Variants in LRATD1 observed in about 807,000 individuals in gnomAD.
LRATD1 encodes the protein LRAT domain containing 1.
In LRATD1, 8 loss-of-function variants were observed where a neutral mutation model predicts 21.3. The ratio of observed to expected loss-of-function variants is 0.38; its 90% CI spans 0.22 to 0.68. LRATD1 has a LOEUF of 0.68. Among genes scored for constraint, LRATD1 ranks in the 30% least tolerant of loss-of-function variants. The pLI, the probability that LRATD1 is intolerant of heterozygous loss-of-function variation, is 0.54. For synonymous variants in LRATD1, 210 were observed against 186.2 expected, an observed-to-expected ratio of 1.13 and a Z score of -1.04; for missense variants, 380 against 404.0, an observed-to-expected ratio of 0.94 and a Z score of 0.51.
rs778746459 is a variant in LRATD1, at chr2:14,634,167, C to T, written c.188C>T (p.Pro63Leu). Residue 63 changes from proline to leucine, a missense_variant, in exon 2 of 2, where the codon CCC becomes CTC. Transcript: ENST00000295092. The part of the protein sequence containing the change: ...FGVKAPPGCT[P>L]CPESPSRHHH... ...GTGAAGGCCCCCCCGGGTTGCACCC[C>T]CTGCCCGGAGAGCCCCAGCCGCCAC... 2 of 1,613,650 alleles carry T rather than the reference C, an allele frequency of 1.2e-6. No individual in the cohort carries two copies. The highest frequency in any genetic ancestry group is 1.1e-5 in the South Asian group (1 of 91,070).
At position 14,634,654 on chromosome 2, in the gene LRATD1, G is replaced by A; in HGVS notation, c.675G>A (p.Glu225=). 1.3e-6 allele frequency: 2 copies of A among 1,554,606 alleles called. No homozygotes were observed. The highest frequency in any genetic ancestry group is 2.4e-5 in the South Asian group (2 of 83,496). Residue 225 remains glutamate, a synonymous_variant, in exon 2 of 2, where the codon GAG becomes GAA. Coordinates refer to ENST00000295092, the MANE Select transcript of LRATD1 (RefSeq NM_145175.4). The part of the protein sequence containing the change: ...FAAWCRFGKR[E]FKAGGEVPAG... ...CCTGGTGCCGCTTTGGCAAGCGGGA[G>A]TTCAAGGCGGGAGGGGAGGTGCCGG...
chr2:14,641,301 A>G (rs1671801791), downstream of LRATD1, among the ~76,000 whole-genome samples: 1 of 152,166 alleles, frequency 6.6e-6, no homozygotes, highest in African/African-American at 2.4e-5. Flanking sequence ...AGAAGAGTTC[A>G]CAGCCCCCAT....
rs937571990 is a variant in LRATD1 at position 14,633,288 on chromosome 2, A to T, written c.-37+351A>T. ...GCGAGCGTGCAAGCGTGGAGCTGAAATTGTGTACGAATGTGTGGGGTCTAA... is the reference window on the plus strand; with the variant it reads ...GCGAGCGTGCAAGCGTGGAGCTGAATTTGTGTACGAATGTGTGGGGTCTAA... On this transcript the variant is annotated intron_variant, in intron 1 of 1. Coordinates refer to ENST00000295092, the MANE Select transcript of LRATD1 (RefSeq NM_145175.4). The surrounding 1 kb of genome is among the most constrained non-coding windows in gnomAD (Gnocchi z 7.5). Among the ~76,000 whole-genome samples the T allele has an allele frequency of 6.6e-6, 1 of 152,130 alleles. No homozygotes were observed. Among genetic ancestry groups the T allele is most frequent in the African/African-American group, 2.4e-5 (1 of 41,452 alleles).
rs1671701323 is a variant in LRATD1, at chr2:14,636,945, T to C, written c.*2087T>C. On this transcript the variant is annotated 3_prime_UTR_variant, in exon 2 of 2. Coordinates refer to ENST00000295092, the MANE Select transcript of LRATD1 (RefSeq NM_145175.4). Reference sequence around the variant, plus strand: ...GATCAATGAACTATGAACTAAAGTATTTTTCTTAAGCCTATTGAGTGATTT... The same window carrying C: ...GATCAATGAACTATGAACTAAAGTACTTTTCTTAAGCCTATTGAGTGATTT... 1 of 167,058 alleles carries C rather than the reference T, an allele frequency of 6.0e-6. No individual in the cohort carries two copies. The highest frequency in any genetic ancestry group is 1.9e-4 in the East Asian group (1 of 5,204). 10.3% of individuals were successfully genotyped at this position (167,058 alleles called of 1,614,324 possible).
At chr2:14,650,124 A>G (rs950904163), downstream of LRATD1, 5 of 152,210 alleles carry the variant, frequency 3.3e-5, no homozygotes, top group South Asian at 2.1e-4. Flanking sequence ...TATTTCCTCA[A>G]TGTTGGTTTA....
chr2:14,648,868 T>C (rs1475644423), intron 4 of LRATD1, among the ~76,000 whole-genome samples: 1 of 152,188 alleles, frequency 6.6e-6, no homozygotes, highest in Non-Finnish European at 1.5e-5. Context: ...CATGAAGTAA[T>C]ACAATCAAAA....
rs1258552010 is a variant in LRATD1 at position 14,637,282 on chromosome 2, T to G, written c.*2424T>G. ...TCCCCCTTCAAAGTCACTCAAAGAGTGGGACTTCATCAAAAGAAATGAATT... is the reference window on the plus strand; with the variant it reads ...TCCCCCTTCAAAGTCACTCAAAGAGGGGGACTTCATCAAAAGAAATGAATT... On this transcript the variant is annotated 3_prime_UTR_variant, in exon 2 of 2. Coordinates refer to ENST00000295092, the MANE Select transcript of LRATD1 (RefSeq NM_145175.4). The G allele has an allele frequency of 6.0e-6, 1 of 166,828 alleles. No individual in the cohort carries two copies. The highest frequency in any genetic ancestry group is 1.5e-5 in the Non-Finnish European group (1 of 68,080). 10.3% of individuals were successfully genotyped at this position (166,828 alleles called of 1,614,324 possible).
chr2:14,643,656 T>C (rs1422004438), downstream of LRATD1, among the ~76,000 whole-genome samples: 1 of 152,224 alleles, frequency 6.6e-6, no homozygotes, highest in Admixed American at 6.5e-5. Context: ...GAGAATGCTG[T>C]TCACTTACCA....
In LRATD1 at chr2:14,639,850, G is replaced by A. The variant is rs1485380720; in HGVS notation, c.*4992G>A. On this transcript the variant is annotated 3_prime_UTR_variant, in exon 2 of 2. Transcript: ENST00000295092. The stretch of plus-strand genomic sequence containing the variant: ...TCTTGGTTACCAGGAAAACCAGAAA[G>A]CCCGTCACTTGCCTTGCCTGCAAAG... 2 of 167,116 alleles carry A rather than the reference G, an allele frequency of 1.2e-5. No homozygotes were observed. The highest frequency in any genetic ancestry group is 2.4e-5 in the African/African-American group (1 of 41,460). 10.4% of individuals were successfully genotyped at this position (167,116 alleles called of 1,614,324 possible).
chr2:14,641,476 C>T (rs189033305), downstream of LRATD1, among the ~76,000 whole-genome samples: 1 of 152,064 alleles, frequency 6.6e-6, no homozygotes, highest in Non-Finnish European at 1.5e-5. Flanking sequence ...TGTTTTTTAT[C>T]CCACCTATTT....
chr2:14,646,627 C>A (rs1671900863), intron 4 of LRATD1, among the ~76,000 whole-genome samples: 1 of 152,102 alleles, frequency 6.6e-6, no homozygotes, highest in South Asian at 2.1e-4. Flanking sequence ...AGTGTATTTG[C>A]AATTTTAATC....
Position 14,634,899 on chromosome 2 carries a change from C to T in LRATD1, c.*41C>T, listed in dbSNP as rs1166303314. 5.1e-6 allele frequency: 8 copies of T among 1,575,624 alleles called. No homozygotes were observed. Among genetic ancestry groups the T allele is most frequent in the Non-Finnish European group, 6.9e-6 (8 of 1,159,522 alleles). Reference sequence around the variant, plus strand: ...CGGCCCCTCTGCCTCCCCCGCACCTCGCTCCCTTCCCTTCCCCGCACCCGG... The same window carrying T: ...CGGCCCCTCTGCCTCCCCCGCACCTTGCTCCCTTCCCTTCCCCGCACCCGG... On this transcript the variant is annotated 3_prime_UTR_variant, in exon 2 of 2. Transcript: ENST00000295092.
chr2:14,644,678 CTG>C (rs1671865802), downstream of LRATD1, among the ~76,000 whole-genome samples: 1 of 152,094 alleles, frequency 6.6e-6, no homozygotes, highest in Non-Finnish European at 1.5e-5. Flanking sequence ...TAATCGGTAA[CTG>C]TGAAAATGCA....
rs1207583452 is a variant in LRATD1, at chr2:14,634,248, G to A, written c.269G>A (p.Arg90Gln). The A allele has an allele frequency of 4.3e-6, 7 of 1,610,244 alleles. No individual in the cohort carries two copies. In the African/African-American group the frequency reaches 6.7e-5, roughly 15 times the overall value. The change falls in exon 2 of 2, where the codon CGG becomes CAG. Residue 90 changes from arginine (R) to glutamine (Q), a missense_variant. Arg to Gln is a conservative substitution (Grantham distance 43). Coordinates refer to ENST00000295092, the MANE Select transcript of LRATD1 (RefSeq NM_145175.4). ...AACGAGACTCAGTTTTCCGCCTTTC[G>A]GGGCCAGGAATGCATCTTTTCCAAA... The part of the protein sequence containing the change: ...VLNETQFSAF[R>Q]GQECIFSKVS...
chr2:14,642,850 G>T (rs189382919), downstream of LRATD1, among the ~76,000 whole-genome samples: 5 of 152,156 alleles, frequency 3.3e-5, no homozygotes, highest in African/African-American at 7.2e-5. Flanking sequence ...GTGTTCCTTG[G>T]AACTCCTAGG....
At chr2:14,647,786 T>C (rs1189965009) in intron 4 of LRATD1, among the ~76,000 whole-genome samples, 1 of 152,156 alleles carries the variant, frequency 6.6e-6, no homozygotes, top group Non-Finnish European at 1.5e-5. Context: ...GTTCATGGTA[T>C]TTTAACCCAA....
chr2:14,634,963 G>C lies in LRATD1; in HGVS notation c.*105G>C. The C allele has an allele frequency of 7.2e-7, 1 of 1,394,786 alleles. No homozygotes were observed. The highest frequency in any genetic ancestry group is 9.6e-7 in the Non-Finnish European group (1 of 1,039,134). 86.4% of individuals were successfully genotyped at this position (1,394,786 alleles called of 1,614,324 possible). On this transcript the variant is annotated 3_prime_UTR_variant, in exon 2 of 2. Transcript: ENST00000295092. ...CGGTTCTCAACCTCTGCCCCGCCCCGCCACGCGCGTCCGCCGCCGGTGGCC... is the reference window on the plus strand; with the variant it reads ...CGGTTCTCAACCTCTGCCCCGCCCCCCCACGCGCGTCCGCCGCCGGTGGCC...
At position 14,639,577 on chromosome 2, in the gene LRATD1, CG is replaced by C. The variant is rs1671766030; in HGVS notation, c.*4720del. On this transcript the variant is annotated 3_prime_UTR_variant, in exon 2 of 2. Transcript: ENST00000295092. The stretch of plus-strand genomic sequence containing the variant: ...GTTGTATGTTTACCTCATTTGAACT[CG>C]AAATAGAAGAGGTTTAAGTATTTGA... The C allele has an allele frequency of 6.0e-6, 1 of 166,904 alleles. No individual in the cohort carries two copies. The highest frequency in any genetic ancestry group is 2.1e-4 in the South Asian group (1 of 4,826). 10.3% of individuals were successfully genotyped at this position (166,904 alleles called of 1,614,324 possible).
In LRATD1 at chr2:14,634,184, A is replaced by G. The variant is rs1671623248; in HGVS notation, c.205A>G (p.Ser69Gly). The G allele has an allele frequency of 6.8e-6, 11 of 1,613,174 alleles. No individual in the cohort carries two copies. Among genetic ancestry groups the G allele is most frequent in the Non-Finnish European group, 8.5e-6 (10 of 1,179,804 alleles). The change falls in exon 2 of 2, where the codon AGC (serine) becomes GGC (glycine). Residue 69 changes from serine to glycine, a missense_variant. Ser to Gly is a moderately conservative substitution (Grantham distance 56). Transcript: ENST00000295092. The part of the protein sequence containing the change: ...PGCTPCPESP[S>G]RHHHHLLHQL... ...TTGCACCCCCTGCCCGGAGAGCCCC[A>G]GCCGCCACCACCACCACCTGCTGCA...
Sources: allele counts gnomAD v4.1 joint callset (sites outside exome capture counted in the v4.1 genomes callset), GRCh38; gene constraint gnomAD v4.1.1; non-coding constraint Gnocchi (gnomAD v3.1); transcripts MANE v1.5; gene names NCBI Gene and HGNC (gene_info 2026-07-23, HGNC 2026-07-21).